The following GRIN2A variants were observed in gnomAD, a reference collection of about 807,000 sequenced individuals.
GRIN2A encodes the protein glutamate ionotropic receptor NMDA type subunit 2A.
GRIN2A carries 22 observed loss-of-function variants against 113.4 expected under a neutral mutation model. The ratio of observed to expected loss-of-function variants is 0.19; its 90% CI spans 0.14 to 0.28. The LOEUF (loss-of-function observed/expected upper bound fraction) is 0.28. GRIN2A is among the 10% of genes least tolerant of loss of function. The probability of loss-of-function intolerance (pLI) is 1.00; values close to 1 mark genes in which losing one functional copy is unlikely to be tolerated. For missense variants in GRIN2A, 1,502 were observed against 1,887.0 expected (o/e 0.80, Z 3.78); for synonymous variants, 827 against 738.4 (o/e 1.12, Z -1.94).
chr16:9,945,304 A>T (rs1390859103), intron 2 of GRIN2A, among the ~76,000 whole-genome samples: 1 of 152,142 alleles, frequency 6.6e-6, no homozygotes. Context: ...ATGAAGAAGG[A>T]GTCATCCAGG....
intron 2 of GRIN2A, among the ~76,000 whole-genome samples, chr16:9,993,430 C>T (rs191996024): frequency 1.3e-5 from 2 of 151,942 alleles, no homozygotes; most frequent in African/African-American, 4.8e-5. Flanking sequence ...GTGGCCTGCA[C>T]CTGTAATCCT....
Position 10,104,967 on chromosome 16 carries a change from G to A in GRIN2A, c.414+75031C>T, listed in dbSNP as rs189931955. On this transcript the variant is annotated intron_variant, in intron 2 of 12. Coordinates refer to ENST00000330684, the MANE Select transcript of GRIN2A (RefSeq NM_001134407.3). ...GGGAGGTGCTAAATGTTACGAGAGT[G>A]CAGCAGAGGCATAAAATAAAAGAAG... 5.9e-5 allele frequency among the ~76,000 whole-genome samples: 9 copies of A among 152,282 alleles called. No individual in the cohort carries two copies. The East Asian group carries it at 1.5e-3, about 26-fold the overall frequency.
At chr16:10,037,499 T>G (rs1226333144) in intron 2 of GRIN2A, among the ~76,000 whole-genome samples, 1 of 152,200 alleles carries the variant, frequency 6.6e-6, no homozygotes, top group East Asian at 1.9e-4. Context: ...ACTAAGTTAC[T>G]TAAAACCTGC....
intron 10 of GRIN2A, among the ~76,000 whole-genome samples, chr16:9,811,211 A>G (rs961595462): frequency 6.6e-6 from 1 of 152,074 alleles, no homozygotes; most frequent in Non-Finnish European, 1.5e-5. Context: ...GATAGGTACA[A>G]CCCTTGCCAG....
intron 2 of GRIN2A, among the ~76,000 whole-genome samples, chr16:10,133,942 G>T (rs2049130320): frequency 6.6e-6 from 1 of 152,044 alleles, no homozygotes; most frequent in African/African-American, 2.4e-5. Flanking sequence ...TAACACTATG[G>T]GAGGCCAAGG....
rs368098581 is a variant in GRIN2A at position 9,996,049 on chromosome 16, A to G, written c.415-57498T>C. 6.8e-3 allele frequency among the ~76,000 whole-genome samples: 900 copies of G among 131,954 alleles called. 7 individuals are homozygous for G. The highest frequency in any genetic ancestry group is 0.023 in the African/African-American group (807 of 35,830). The allele number at this position is 131,954 out of a possible 152,430, so 86.6% of individuals were successfully genotyped here. A position where few individuals can be genotyped will look rare whatever the true frequency, so the allele number is the denominator to read the frequency against. On this transcript the variant is annotated intron_variant, in intron 2 of 12. Coordinates refer to ENST00000330684, the MANE Select transcript of GRIN2A (RefSeq NM_001134407.3). ...CAAAAAAAAAAAAAAAAAAAAAAAA[A>G]AAAGAAAGAAAGAAGTAAGAGGGAA...
chr16:10,099,849 C>A (rs1267032750), intron 2 of GRIN2A, among the ~76,000 whole-genome samples: 1 of 152,118 alleles, frequency 6.6e-6, no homozygotes, highest in Admixed American at 6.5e-5. Flanking sequence ...CTGCTCATTC[C>A]GTGAAGTTCC....
rs138589928 is a variant in GRIN2A, at chr16:9,993,316, G to A, written c.415-54765C>T. On this transcript the variant is annotated intron_variant, in intron 2 of 12. Coordinates refer to ENST00000330684, the MANE Select transcript of GRIN2A (RefSeq NM_001134407.3). ...TGAAATCACACTGTTTTGGGAGGCT[G>A]AGGCAGGAGGATTATTTGAAGCCAG... 4.2e-3 allele frequency among the ~76,000 whole-genome samples: 632 copies of A among 152,276 alleles called. 4 individuals are homozygous for A. Among genetic ancestry groups the A allele is most frequent in the African/African-American group, 0.014 (580 of 41,564 alleles).
chr16:10,101,284 CT>C (rs1220560667), intron 2 of GRIN2A, among the ~76,000 whole-genome samples: 1 of 152,208 alleles, frequency 6.6e-6, no homozygotes, highest in African/African-American at 2.4e-5. Flanking sequence ...CAATAAACTT[CT>C]TGTGCCCCTA....
At position 9,763,758 on chromosome 16, in the gene GRIN2A, G is replaced by A. The variant is rs752356104; in HGVS notation, c.3786C>T (p.Thr1262=). 12 of 1,614,080 alleles carry A rather than the reference G, an allele frequency of 7.4e-6. No individual in the cohort carries two copies. The highest frequency in any genetic ancestry group is 5.5e-5 in the South Asian group (5 of 91,080). The change falls in exon 13 of 13, where the codon ACC becomes ACT. Residue 1262 remains threonine (T), a synonymous_variant. Transcript: ENST00000330684. Reference sequence around the variant, plus strand: ...AGTCCTGCTGGTAGACCTGCTCCCCGGTGGCTGGGTTACCTGTCTCCTGAA... The same window carrying A: ...AGTCCTGCTGGTAGACCTGCTCCCCAGTGGCTGGGTTACCTGTCTCCTGAA... ...QMLQETGNPA[T]GEQVYQQDWA...
rs1257864158 is a variant in GRIN2A, at chr16:9,755,532, T to C, written c.*7617A>G. On this transcript the variant is annotated 3_prime_UTR_variant, in exon 13 of 13. Transcript: ENST00000330684. ...TTAAGTTAGCTAACTCTCCAGAGAA[T>C]TCATGGAGACTCCCAGAAAGACATT... is the stretch of plus-strand genomic sequence containing the variant. The C allele has an allele frequency of 1.1e-5, 2 of 182,960 alleles. No homozygotes were observed. 11.3% of individuals were successfully genotyped at this position (182,960 alleles called of 1,614,324 possible).
chr16:9,859,643 CAG>C (rs1555497463), intron 4 of GRIN2A, among the ~76,000 whole-genome samples: 31 of 147,004 alleles, frequency 2.1e-4, no homozygotes, highest in African/African-American at 6.0e-4. Flanking sequence ...CACACACACA[CAG>C]AGAGGATATG....
intron 2 of GRIN2A, among the ~76,000 whole-genome samples, chr16:10,178,166 T>A (rs1325599295): frequency 1.3e-5 from 2 of 152,192 alleles, no homozygotes; most frequent in African/African-American, 2.4e-5. Context: ...CTCCAAGGCG[T>A]GGCTGGAAAC....
intron 2 of GRIN2A, among the ~76,000 whole-genome samples, chr16:10,161,308 C>G (rs2049804659): frequency 6.6e-6 from 1 of 152,288 alleles, no homozygotes; most frequent in African/African-American, 2.4e-5. Context: ...TTCCGGAGGC[C>G]TCCCAGCCAC....
intron 12 of GRIN2A, among the ~76,000 whole-genome samples, chr16:9,768,428 C>T (rs1292302851): frequency 1.3e-5 from 2 of 152,150 alleles, no homozygotes; most frequent in Non-Finnish European, 1.5e-5. Context: ...GACATTTTCT[C>T]TTTTTAAAAA....
intron 2 of GRIN2A, 105 bp downstream of exon 2, chr16:10,179,893 C>CCCCAACCAACAAAA: frequency 1.4e-6 from 1 of 719,818 alleles, no homozygotes; most frequent in Non-Finnish European, 2.4e-6. Flanking sequence ...CCCCCACCCC[C>CCCCAACCAACAAAA]ACTTCACATC....
intron 2 of GRIN2A, among the ~76,000 whole-genome samples, chr16:10,059,629 G>A (rs543640012): frequency 1.2e-4 from 18 of 151,454 alleles, no homozygotes; most frequent in South Asian, 8.3e-4. Flanking sequence ...ACAACAGAGC[G>A]TCTTAAACAA....
chr16:9,861,278 G>A (rs1436320266), intron 4 of GRIN2A, among the ~76,000 whole-genome samples: 2 of 152,150 alleles, frequency 1.3e-5, no homozygotes, highest in Non-Finnish European at 2.9e-5. Context: ...GGAAGATGAT[G>A]TTAAGGAGGA....
intron 2 of GRIN2A, among the ~76,000 whole-genome samples, chr16:10,116,716 C>T (rs1041182409): frequency 6.6e-6 from 1 of 152,148 alleles, no homozygotes; most frequent in African/African-American, 2.4e-5. Context: ...AGGGATTTAA[C>T]CCCACAAGGG....
Sources: allele counts gnomAD v4.1 joint callset (sites outside exome capture counted in the v4.1 genomes callset), GRCh38; gene constraint gnomAD v4.1.1; transcripts MANE v1.5; gene names NCBI Gene and HGNC (gene_info 2026-07-23, HGNC 2026-07-21).